ARHGEF16: variants seen among roughly 807,000 people sequenced by gnomAD.
The protein encoded by ARHGEF16 is Rho guanine nucleotide exchange factor 16.
In ARHGEF16, 59 loss-of-function variants were observed where a neutral mutation model predicts 74.1. That is an observed-to-expected ratio of 0.80 (90% CI 0.65 to 0.99). The LOEUF is 0.99. Ranked by LOEUF, ARHGEF16 falls within the 50% of genes least tolerant of loss-of-function variation. The pLI is 0.00. For synonymous variants in ARHGEF16, 415 were observed against 412.6 expected (o/e 1.01, Z -0.07); for missense variants, 948 against 986.6 (o/e 0.96, Z 0.52).
chr1:3,471,890 G>T (rs1354548350), intron 6 of ARHGEF16: 2 of 956,264 alleles, frequency 2.1e-6, no homozygotes, highest in Non-Finnish European at 2.6e-6. Flanking sequence ...ACGTACGCAT[G>T]TCGTGGCCCT....
intron 5 of ARHGEF16, among the ~76,000 whole-genome samples, chr1:3,469,190 A>G (rs897632102): frequency 2.0e-5 from 3 of 152,114 alleles, no homozygotes; most frequent in African/African-American, 7.2e-5. Context: ...CTTCTCTGAC[A>G]AGGACGGGGG....
At chr1:3,469,652 G>T (rs776330567) in intron 6 of ARHGEF16, 59 bp downstream of exon 6, 2 of 1,598,222 alleles carry the variant, frequency 1.3e-6, no homozygotes, top group Non-Finnish European at 1.7e-6. Flanking sequence ...GCCTCCCCCC[G>T]TGGGCACCGC....
At chr1:3,475,826 G>A (rs997579092) in intron 9 of ARHGEF16, 144 bp from the exon 10 acceptor site, 45 of 682,134 alleles carry the variant, frequency 6.6e-5, no homozygotes, top group Non-Finnish European at 1.1e-4. Context: ...CACAGTTGAT[G>A]AGCCCGTGGC....
intron 1 of ARHGEF16, among the ~76,000 whole-genome samples, chr1:3,459,323 T>C (rs572437265): frequency 6.6e-6 from 1 of 152,242 alleles, no homozygotes; most frequent in Admixed American, 6.5e-5. Context: ...ATCGGGACAT[T>C]GGGGCCCTTC....
chr1:3,476,926 C>G (rs982598226), intron 10 of ARHGEF16, among the ~76,000 whole-genome samples: 6 of 152,116 alleles, frequency 3.9e-5, no homozygotes, highest in African/African-American at 1.2e-4. Context: ...GCAGCCCTCA[C>G]GCTTGTCTCC....
At chr1:3,466,582 T>G (rs1191284702) in intron 3 of ARHGEF16, among the ~76,000 whole-genome samples, 1 of 152,102 alleles carries the variant, frequency 6.6e-6, no homozygotes, top group Non-Finnish European at 1.5e-5. Context: ...AGGGGAGCCA[T>G]GTGTTGGGGC....
chr1:3,473,429 G>C lies in ARHGEF16; in HGVS notation c.1212G>C (p.Glu404Asp), dbSNP rs766266355. 1.2e-5 allele frequency: 20 copies of C among 1,612,486 alleles called. No homozygotes were observed. In the East Asian group the frequency reaches 4.0e-4, roughly 32 times the overall value. Reference protein sequence around the residue: ...SNAAFREALREIERRPACGGL... With the variant: ...SNAAFREALRDIERRPACGGL... ...CCGCCTTCCGAGAGGCCCTGAGAGA[G>C]ATTGAGAGGCGGCCGGCGTGCGGGG... The change falls in exon 8 of 15, where the codon GAG becomes GAC. Residue 404 changes from glutamate to aspartate, a missense_variant. By Grantham distance (45) the Glu-to-Asp change is conservative. Transcript: ENST00000378378.
At chr1:3,477,660 C>G (rs201376131) in intron 10 of ARHGEF16, among the ~76,000 whole-genome samples, 3 of 151,694 alleles carry the variant, frequency 2.0e-5, no homozygotes, top group South Asian at 4.1e-4. Context: ...GGGTCTGGTC[C>G]GGCCTGGCGC....
At chr1:3,472,153 C>T (rs1639743475) in intron 6 of ARHGEF16, among the ~76,000 whole-genome samples, 2 of 152,178 alleles carry the variant, frequency 1.3e-5, no homozygotes, top group African/African-American at 2.4e-5. Flanking sequence ...CCTCCTGTGG[C>T]GGCGGCCTGG....
Position 3,463,163 on chromosome 1 carries a change from G to A in ARHGEF16, c.79G>A (p.Ala27Thr), listed in dbSNP as rs1005578080. 1.3e-6 allele frequency: 2 copies of A among 1,515,842 alleles called. No homozygotes were observed. Among genetic ancestry groups the A allele is most frequent in the Non-Finnish European group, 8.9e-7 (1 of 1,126,626 alleles). 93.9% of individuals were successfully genotyped at this position (1,515,842 alleles called of 1,614,324 possible). Residue 27 changes from alanine to threonine, a missense_variant, in exon 2 of 15, where the codon GCC becomes ACC. By Grantham distance (58) the Ala-to-Thr change is moderately conservative. Coordinates refer to ENST00000378378, the MANE Select transcript of ARHGEF16 (RefSeq NM_014448.4). ...HRFHSELRLD[A>T]GGNPASGLPM... ...CTTCCACTCGGAGCTCCGGCTCGAT[G>A]CCGGGGGGAACCCAGCCTCCGGGCT...
At chr1:3,477,645 G>A (rs898539308) in intron 10 of ARHGEF16, among the ~76,000 whole-genome samples, 12 of 47,054 alleles carry the variant, frequency 2.6e-4, no homozygotes, top group South Asian at 1.4e-3. Flanking sequence ...CTGGGCTATC[G>A]GGCAGGGTCT....
In ARHGEF16 at chr1:3,477,872, C is replaced by CA; in HGVS notation, c.1474-2dup. 6.2e-7 allele frequency: 1 copy of CA among 1,603,112 alleles called. No individual in the cohort carries two copies. The highest frequency in any genetic ancestry group is 8.5e-7 in the Non-Finnish European group (1 of 1,171,776). ...TCTCCGCCTCCCGGCTCTGTCCCCC[C>CA]AGTCCCTCCCACTGATCTCTGCCTC... On this transcript the variant is annotated splice_polypyrimidine_tract_variant and splice_region_variant and intron_variant, in intron 10 of 14. Transcript: ENST00000378378.
intron 9 of ARHGEF16, 66 bp downstream of exon 9, chr1:3,474,848 C>A: frequency 6.9e-7 from 1 of 1,451,020 alleles, no homozygotes; most frequent in Non-Finnish European, 9.5e-7. Context: ...CACCCAACCC[C>A]ACCCTACCCG....
At chr1:3,459,754 A>C (rs1292417014) in intron 1 of ARHGEF16, among the ~76,000 whole-genome samples, 1 of 152,184 alleles carries the variant, frequency 6.6e-6, no homozygotes, top group Non-Finnish European at 1.5e-5. Flanking sequence ...ATGAGAGAAA[A>C]TCATTAACAG....
chr1:3,468,680 C>A (rs570356800), intron 4 of ARHGEF16, 200 bp from the exon 5 acceptor site: 2 of 624,474 alleles, frequency 3.2e-6, no homozygotes, highest in Non-Finnish European at 5.8e-6. Context: ...GGGGGCTGAC[C>A]CAAGGCGGGT....
intron 6 of ARHGEF16, 183 bp from the exon 7 acceptor site, chr1:3,472,895 G>T (rs1639770479): frequency 1.3e-5 from 3 of 235,102 alleles, no homozygotes; most frequent in Admixed American, 6.1e-5. Context: ...CCTCCCTGCT[G>T]TCCAGCATCC....
intron 1 of ARHGEF16, among the ~76,000 whole-genome samples, 194 bp from the exon 2 acceptor site, chr1:3,462,872 G>A (rs1245493663): frequency 6.6e-6 from 1 of 152,136 alleles, no homozygotes; most frequent in East Asian, 1.9e-4. Flanking sequence ...CTCAGACATG[G>A]CTGGCTCCCA....
At chr1:3,480,351 G>A in intron 14 of ARHGEF16, 97 bp from the exon 15 acceptor site, 1 of 1,525,324 alleles carries the variant, frequency 6.6e-7, no homozygotes, top group South Asian at 1.2e-5. Context: ...AGTTCTAGGA[G>A]AAGCCTGGCC....
intron 10 of ARHGEF16, among the ~76,000 whole-genome samples, 153 bp from the exon 11 acceptor site, chr1:3,477,722 G>A (rs1408038402): frequency 2.6e-5 from 4 of 152,092 alleles, no homozygotes; most frequent in Admixed American, 6.5e-5. Context: ...GTCCAGCCCC[G>A]ACTGAGGGCA....
Sources: gnomAD v4.1 joint callset for allele counts (sites outside exome capture counted in the v4.1 genomes callset) on GRCh38, gnomAD v4.1.1 for gene constraint, MANE v1.5 for transcripts, NCBI Gene and HGNC (gene_info 2026-07-23, HGNC 2026-07-21) for gene names.